Variants in IGSF3 observed in about 807,000 individuals in gnomAD.
IGSF3 encodes glu-Trp-Ile EWI motif-containing protein 3.
In IGSF3, 23 loss-of-function variants were observed where a neutral mutation model predicts 114.4. The ratio of observed to expected loss-of-function variants is 0.20; its 90% confidence interval spans 0.14 to 0.28. IGSF3 has a LOEUF of 0.28. Ranked by LOEUF, IGSF3 falls within the 10% of genes least tolerant of loss-of-function variation. The pLI is 1.00. For synonymous variants in IGSF3, 571 were observed against 645.2 expected (o/e 0.88, Z 1.74); for missense variants, 1,172 against 1,591.5 (o/e 0.74, Z 4.48).
Position 116,624,363 on chromosome 1 carries a change from G to A in IGSF3, c.44-7906C>T, listed in dbSNP as rs561528963. Reference sequence around the variant, plus strand: ...GGCAGTAGCTGTGAGATCTTGGGCTGGTTACTTAACCTCTCTGCACCTCAG... The same window carrying A: ...GGCAGTAGCTGTGAGATCTTGGGCTAGTTACTTAACCTCTCTGCACCTCAG... On this transcript the variant is annotated intron_variant, in intron 2 of 10. Coordinates refer to ENST00000369486, the MANE Select transcript of IGSF3 (RefSeq NM_001007237.3). The surrounding 1 kb of genome is among the most constrained non-coding windows in gnomAD (Gnocchi z 4.9). Among the ~76,000 whole-genome samples, 1 of 152,274 alleles carries A rather than the reference G, an allele frequency of 6.6e-6. No individual in the cohort carries two copies. The highest frequency in any genetic ancestry group is 1.5e-5 in the Non-Finnish European group (1 of 68,028).
intron 7 of IGSF3, among the ~76,000 whole-genome samples, chr1:116,597,078 C>T (rs1660373528): frequency 6.6e-6 from 1 of 152,192 alleles, no homozygotes; most frequent in African/African-American, 2.4e-5. Flanking sequence ...CAAAGTCTCC[C>T]TACCGCAATT....
chr1:116,614,820 G>C lies in IGSF3; in HGVS notation c.422-645C>G, dbSNP rs137870523. ...CTGGAGAGATTCAGGCAAGAGAAGA[G>C]ATTTTCTCCGTGATCCCTTGGTCAG... On this transcript the variant is annotated intron_variant, in intron 3 of 10. Coordinates refer to ENST00000369486, the MANE Select transcript of IGSF3 (RefSeq NM_001007237.3). This position sits in a 1 kb window ranked among gnomAD's most constrained non-coding sequence, Gnocchi z 4.5. 0.022 allele frequency among the ~76,000 whole-genome samples: 3,305 copies of C among 152,272 alleles called. 111 individuals are homozygous for C. The highest frequency in any genetic ancestry group is 0.076 in the African/African-American group (3,143 of 41,522).
chr1:116,582,977 A>G lies in IGSF3; in HGVS notation c.2848+1668T>C, dbSNP rs1659663913. Reference sequence around the variant, plus strand: ...GATCCAGGCTTGCTCACAGGGTTGAACAGGAGGCAGACACAAGGCTAACGG... The same window carrying G: ...GATCCAGGCTTGCTCACAGGGTTGAGCAGGAGGCAGACACAAGGCTAACGG... On this transcript the variant is annotated intron_variant, in intron 9 of 10. Coordinates refer to ENST00000369486, the MANE Select transcript of IGSF3 (RefSeq NM_001007237.3). The surrounding 1 kb of genome is among the most constrained non-coding windows in gnomAD (Gnocchi z 4.7). Among the ~76,000 whole-genome samples the G allele has an allele frequency of 6.6e-6, 1 of 152,206 alleles. No individual in the cohort carries two copies. The highest frequency in any genetic ancestry group is 1.5e-5 in the Non-Finnish European group (1 of 68,038).
At position 116,651,044 on chromosome 1, in the gene IGSF3, C is replaced by T. The variant is rs1648613394; in HGVS notation, c.43+15240G>A. On this transcript the variant is annotated intron_variant, in intron 2 of 10. Coordinates refer to ENST00000369486, the MANE Select transcript of IGSF3 (RefSeq NM_001007237.3). This position sits in a 1 kb window ranked among gnomAD's most constrained non-coding sequence, Gnocchi z 4.4. ...GAGGACCAGTGGTCTACAGTCCAGCCCACAACCCTTCAGACAGAAGTTCCA... is the reference window on the plus strand; with the variant it reads ...GAGGACCAGTGGTCTACAGTCCAGCTCACAACCCTTCAGACAGAAGTTCCA... Among the ~76,000 whole-genome samples, 1 of 152,174 alleles carries T rather than the reference C, an allele frequency of 6.6e-6. No homozygotes were observed. The highest frequency in any genetic ancestry group is 2.1e-4 in the South Asian group (1 of 4,826).
rs1029122926 is a variant in IGSF3 at position 116,605,874 on chromosome 1, T to G, written c.1223-1849A>C. Among the ~76,000 whole-genome samples, 6 of 152,218 alleles carry G rather than the reference T, an allele frequency of 3.9e-5. No homozygotes were observed. The highest frequency in any genetic ancestry group is 1.4e-4 in the African/African-American group (6 of 41,454). On this transcript the variant is annotated intron_variant, in intron 5 of 10. Transcript: ENST00000369486. This position sits in a 1 kb window ranked among gnomAD's most constrained non-coding sequence, Gnocchi z 5.1. ...CTCTCATCCCCTACTGTCATCCCAG[T>G]GGACGCTTATCCAAGTCCTGGCTCA...
chr1:116,641,561 G>GAAA (rs1557882358), intron 2 of IGSF3, among the ~76,000 whole-genome samples: 8,101 of 108,366 alleles, frequency 0.075, 807 homozygotes, highest in African/African-American at 0.21. Context: ...AAAGAAAGAA[G>GAAA]GAAAGAAAGA....
In IGSF3 at chr1:116,610,353, TTCTCA is replaced by T. The variant is rs1660970342; in HGVS notation, c.833-2027_833-2023del. Among the ~76,000 whole-genome samples the T allele has an allele frequency of 6.6e-6, 1 of 152,200 alleles. No individual in the cohort carries two copies. ...TTCTTCTTTCGGCGGCCAAAGACTC[TTCTCA>T]TCTCAAGGGAATCCCCCCATGCCTT... On this transcript the variant is annotated intron_variant, in intron 4 of 10. Coordinates refer to ENST00000369486, the MANE Select transcript of IGSF3 (RefSeq NM_001007237.3). This position sits in a 1 kb window ranked among gnomAD's most constrained non-coding sequence, Gnocchi z 4.3.
intron 5 of IGSF3, among the ~76,000 whole-genome samples, chr1:116,604,551 G>A (rs941516019): frequency 6.6e-6 from 1 of 152,244 alleles, no homozygotes; most frequent in African/African-American, 2.4e-5. Context: ...TAAGTATTGG[G>A]ACGATAACGT....
intron 2 of IGSF3, among the ~76,000 whole-genome samples, chr1:116,620,775 C>T (rs1420420243): frequency 6.6e-6 from 1 of 152,202 alleles, no homozygotes; most frequent in Non-Finnish European, 1.5e-5. Context: ...GGGTCTCACT[C>T]TGTCACCCAG....
Position 116,592,144 on chromosome 1 carries a change from C to T in IGSF3, c.2030-3040G>A, listed in dbSNP as rs1408522181. On this transcript the variant is annotated intron_variant, in intron 7 of 10. Coordinates refer to ENST00000369486, the MANE Select transcript of IGSF3 (RefSeq NM_001007237.3). The surrounding 1 kb of genome is among the most constrained non-coding windows in gnomAD (Gnocchi z 4.5). ...CTTGTTAGAAATGCAGACTCTCAGG[C>T]CCCACCCCAGACCCAGTAAGTCAGA... 6.6e-6 allele frequency among the ~76,000 whole-genome samples: 1 copy of T among 152,160 alleles called. No homozygotes were observed. Among genetic ancestry groups the T allele is most frequent in the Non-Finnish European group, 1.5e-5 (1 of 68,040 alleles).
chr1:116,580,273 T>C (rs900798485), intron 9 of IGSF3, among the ~76,000 whole-genome samples: 10 of 152,220 alleles, frequency 6.6e-5, no homozygotes, highest in Non-Finnish European at 1.3e-4. Context: ...CATGTCCACC[T>C]GGAACCTCAG....
At position 116,666,727 on chromosome 1, in the gene IGSF3, T is replaced by C. The variant is rs1303477225; in HGVS notation, c.-401A>G. The stretch of plus-strand genomic sequence containing the variant: ...CTTGGCTTCTCAGTGAAGGTGTCTG[T>C]GATCTCCCTCATTCGGATTCCCCAG... On this transcript the variant is annotated 5_prime_UTR_variant, in exon 2 of 11. Coordinates refer to ENST00000369486, the MANE Select transcript of IGSF3 (RefSeq NM_001007237.3). The C allele has an allele frequency of 3.1e-5, 15 of 481,026 alleles. No homozygotes were observed. The South Asian group carries it at 7.1e-4, about 23-fold the overall frequency. The allele number at this position is 481,026 out of a possible 1,614,324, so 29.8% of individuals were successfully genotyped here.
Position 116,600,773 on chromosome 1 carries a change from C to A in IGSF3, c.1625-428G>T, listed in dbSNP as rs1377680314. 6.6e-6 allele frequency among the ~76,000 whole-genome samples: 1 copy of A among 152,156 alleles called. No individual in the cohort carries two copies. Among genetic ancestry groups the A allele is most frequent in the African/African-American group, 2.4e-5 (1 of 41,426 alleles). On this transcript the variant is annotated intron_variant, in intron 6 of 10. Coordinates refer to ENST00000369486, the MANE Select transcript of IGSF3 (RefSeq NM_001007237.3). This position sits in a 1 kb window ranked among gnomAD's most constrained non-coding sequence, Gnocchi z 5.5. ...AAAACACAACCACACAGCCCCAACA[C>A]CACTTTTCCTGGTCCCTTAGCGCAC...
chr1:116,607,802 T>C lies in IGSF3; in HGVS notation c.1222+140A>G. ...GCTACAACAGGGAAGAGAGGCTCAA[T>C]GGTTTTTCCCCCAGCTCTGCATTAA... On this transcript the variant is annotated intron_variant, in intron 5 of 10. Coordinates refer to ENST00000369486, the MANE Select transcript of IGSF3 (RefSeq NM_001007237.3). The surrounding 1 kb of genome is among the most constrained non-coding windows in gnomAD (Gnocchi z 6.1). The C allele has an allele frequency of 1.2e-6, 1 of 811,340 alleles. No individual in the cohort carries two copies. The highest frequency in any genetic ancestry group is 2.5e-5 in the East Asian group (1 of 40,494). The allele number at this position is 811,340 out of a possible 1,614,324, so 50.3% of individuals were successfully genotyped here.
At chr1:116,599,878 T>G in intron 7 of IGSF3, 63 bp downstream of exon 7, 1 of 1,489,110 alleles carries the variant, frequency 6.7e-7, no homozygotes, top group Non-Finnish European at 9.1e-7. Context: ...CGCACACCTT[T>G]CTTTTTCCCT....
In IGSF3 at chr1:116,603,697, C is replaced by T. The variant is rs61730486; in HGVS notation, c.1551G>A (p.Val517=). Residue 517 remains valine, a synonymous_variant, in exon 6 of 11, where the codon GTG becomes GTA. Coordinates refer to ENST00000369486, the MANE Select transcript of IGSF3 (RefSeq NM_001007237.3). This position sits in a 1 kb window ranked among gnomAD's most constrained non-coding sequence, Gnocchi z 7.1. ...TCTGCCACTCGCCATCCACTGCCCGCACCCATTCAGTCACATGGCATTCAT... is the reference window on the plus strand; with the variant it reads ...TCTGCCACTCGCCATCCACTGCCCGTACCCATTCAGTCACATGGCATTCAT... ...GQYECHVTEW[V]RAVDGEWQIV... is the part of the protein sequence containing the mutation. 8.8e-3 allele frequency: 14,199 copies of T among 1,613,906 alleles called. 534 individuals are homozygous for T. In the African/African-American group the frequency reaches 0.1, roughly 11 times the overall value.
chr1:116,663,588 G>A (rs534406062), intron 2 of IGSF3, among the ~76,000 whole-genome samples: 31 of 152,024 alleles, frequency 2.0e-4, no homozygotes, highest in Non-Finnish European at 3.8e-4. Flanking sequence ...AAGGGGGTAG[G>A]TACAAAGACA....
chr1:116,589,866 A>G lies in IGSF3; in HGVS notation c.2030-762T>C, dbSNP rs1166155691. 6.6e-6 allele frequency among the ~76,000 whole-genome samples: 1 copy of G among 152,166 alleles called. No homozygotes were observed. The highest frequency in any genetic ancestry group is 6.5e-5 in the Admixed American group (1 of 15,282). On this transcript the variant is annotated intron_variant, in intron 7 of 10. Transcript: ENST00000369486. This position sits in a 1 kb window ranked among gnomAD's most constrained non-coding sequence, Gnocchi z 5.7. ...ATGCTAAGTGCTGGGGATGCCCTGA[A>G]GAGTAAGCCGGAGTCCCAGCCCTCA...
At position 116,582,052 on chromosome 1, in the gene IGSF3, C is replaced by T. The variant is rs1013419217; in HGVS notation, c.2849-2175G>A. Among the ~76,000 whole-genome samples the T allele has an allele frequency of 3.9e-5, 6 of 152,206 alleles. No individual in the cohort carries two copies. Among genetic ancestry groups the T allele is most frequent in the African/African-American group, 1.4e-4 (6 of 41,440 alleles). Reference sequence around the variant, plus strand: ...AACACCTCCTCCCTCTTCAATCTCCCTTTGCTTTCTTGTCTTCTAACCGCT... The same window carrying T: ...AACACCTCCTCCCTCTTCAATCTCCTTTTGCTTTCTTGTCTTCTAACCGCT... On this transcript the variant is annotated intron_variant, in intron 9 of 10. Coordinates refer to ENST00000369486, the MANE Select transcript of IGSF3 (RefSeq NM_001007237.3). The surrounding 1 kb of genome is among the most constrained non-coding windows in gnomAD (Gnocchi z 4.7).
Sources: allele counts gnomAD v4.1 joint callset (sites outside exome capture counted in the v4.1 genomes callset), GRCh38; gene constraint gnomAD v4.1.1; non-coding constraint Gnocchi (gnomAD v3.1); transcripts MANE v1.5; gene names NCBI Gene and HGNC (gene_info 2026-07-23, HGNC 2026-07-21).